Variants in ELAVL4 observed in about 807,000 individuals in gnomAD.
ELAVL4 encodes ELAV like RNA binding protein 4.
ELAVL4 carries 1 observed loss-of-function variant against 35.6 expected under a neutral mutation model. The observed-to-expected ratio is 0.03, with a 90% CI of 0.01 to 0.13. The LOEUF (loss-of-function observed/expected upper bound fraction) is 0.13, where lower values mean the gene tolerates loss of function less well. ELAVL4 is among the 10% of genes least tolerant of loss of function. ELAVL4 has a pLI of 1.00. For synonymous variants in ELAVL4, 156 were observed against 171.0 expected, an observed-to-expected ratio of 0.91 and a Z score of 0.69; for missense variants, 267 against 464.9, an observed-to-expected ratio of 0.57 and a Z score of 3.91.
At chr1:50,174,677 C>T (rs1359089282) in intron 2 of ELAVL4, 2 of 152,120 alleles carry the variant, frequency 1.3e-5, no homozygotes, top group Non-Finnish European at 2.9e-5. Context: ...GCTCCTTTCC[C>T]TCATTTGACC....
chr1:50,100,315 G>A (rs74734566), upstream of ELAVL4, among the ~76,000 whole-genome samples: 6,762 of 152,178 alleles, frequency 0.044, 462 homozygotes, highest in African/African-American at 0.14. Flanking sequence ...GCCCACAGTC[G>A]TCATATCATA....
chr1:50,097,280 T>C (rs984564070), intron 1 of ELAVL4, among the ~76,000 whole-genome samples: 9 of 152,118 alleles, frequency 5.9e-5, no homozygotes, highest in Admixed American at 5.9e-4. Flanking sequence ...AACATGCTAC[T>C]ACCCCGGCTC....
chr1:50,092,549 G>A (rs146202229), intron 1 of ELAVL4, among the ~76,000 whole-genome samples: 1,666 of 152,222 alleles, frequency 0.011, 25 homozygotes, highest in African/African-American at 0.038. Flanking sequence ...CTGACTTTAG[G>A]CAGTGGTTTG....
intron 1 of ELAVL4, among the ~76,000 whole-genome samples, chr1:50,138,126 G>A (rs1271612207): frequency 2.0e-5 from 3 of 152,184 alleles, no homozygotes; most frequent in Non-Finnish European, 4.4e-5. Flanking sequence ...ACAGTTCTCA[G>A]CCACCTTGGT....
At chr1:50,072,794 T>C (rs1572129970) in intron 1 of ELAVL4, among the ~76,000 whole-genome samples, 1 of 152,306 alleles carries the variant, frequency 6.6e-6, no homozygotes, top group Non-Finnish European at 1.5e-5. Context: ...GGTACTATTA[T>C]TGTCCTCATT....
intron 1 of ELAVL4, among the ~76,000 whole-genome samples, chr1:50,059,748 T>TA (rs1663863312): frequency 6.6e-6 from 1 of 151,722 alleles, no homozygotes; most frequent in East Asian, 1.9e-4. Flanking sequence ...CAAATTGTTT[T>TA]ATATAATGCA....
chr1:50,158,068 T>C (rs4417128), intron 2 of ELAVL4, among the ~76,000 whole-genome samples: 56,244 of 151,956 alleles, frequency 0.37, 10,978 homozygotes, highest in East Asian at 0.77. Context: ...CAGGCAAATT[T>C]TTAACTTCTC....
chr1:50,063,211 T>C (rs1421199593), intron 1 of ELAVL4, among the ~76,000 whole-genome samples: 2 of 152,214 alleles, frequency 1.3e-5, no homozygotes, highest in Non-Finnish European at 2.9e-5. Context: ...ATTTTTTCCA[T>C]ATGAAATAAT....
At chr1:50,066,267 G>A (rs996185525) in intron 1 of ELAVL4, among the ~76,000 whole-genome samples, 5 of 152,284 alleles carry the variant, frequency 3.3e-5, no homozygotes, top group African/African-American at 7.2e-5. Flanking sequence ...AGTTAAGGAT[G>A]TTTTAGCCTT....
At chr1:50,083,035 T>C (rs2148497830) in intron 1 of ELAVL4, among the ~76,000 whole-genome samples, 1 of 152,016 alleles carries the variant, frequency 6.6e-6, no homozygotes, top group Non-Finnish European at 1.5e-5. Flanking sequence ...GGCCAGGAAG[T>C]TTAGCTCTCC....
At chr1:50,109,743 A>T (rs913319193) in intron 1 of ELAVL4, 1 of 624,908 alleles carries the variant, frequency 1.6e-6, no homozygotes, top group Non-Finnish European at 2.8e-6. Context: ...TAAATGCTGC[A>T]TCTTGTATTT....
intron 2 of ELAVL4, among the ~76,000 whole-genome samples, chr1:50,160,999 A>G (rs1027300619): frequency 1.3e-5 from 2 of 152,190 alleles, no homozygotes; most frequent in African/African-American, 4.8e-5. Flanking sequence ...TTTTGCCCAA[A>G]GGCTAATTAC....
At chr1:50,058,491 G>T (rs1379262385) in intron 1 of ELAVL4, among the ~76,000 whole-genome samples, 1 of 151,868 alleles carries the variant, frequency 6.6e-6, no homozygotes, top group Non-Finnish European at 1.5e-5. Context: ...CACATGGAAA[G>T]GTTGTTATAA....
intron 1 of ELAVL4, among the ~76,000 whole-genome samples, chr1:50,061,303 AG>A (rs1663956439): frequency 6.6e-6 from 1 of 152,174 alleles, no homozygotes; most frequent in East Asian, 1.9e-4. Flanking sequence ...CCTTAAGGCA[AG>A]GCATGTACTC....
intron 1 of ELAVL4, among the ~76,000 whole-genome samples, chr1:50,048,755 G>A (rs1663204974): frequency 6.6e-6 from 1 of 152,168 alleles, no homozygotes; most frequent in South Asian, 2.1e-4. Context: ...TGTGGACCTG[G>A]GACTTGGGTA....
chr1:50,176,857 G>A (rs185275032), intron 2 of ELAVL4, among the ~76,000 whole-genome samples: 3 of 152,312 alleles, frequency 2.0e-5, no homozygotes, highest in African/African-American at 7.2e-5. Context: ...GTTTTAGCTT[G>A]CACAGCTCCT....
intron 1 of ELAVL4, among the ~76,000 whole-genome samples, chr1:50,143,815 A>G (rs1673227125): frequency 6.6e-6 from 1 of 152,084 alleles, no homozygotes; most frequent in South Asian, 2.1e-4. Context: ...TTTCTATGAT[A>G]ACAGAGAAGT....
chr1:50,079,608 T>C (rs1167535513), intron 1 of ELAVL4, among the ~76,000 whole-genome samples: 1 of 152,128 alleles, frequency 6.6e-6, no homozygotes, highest in Non-Finnish European at 1.5e-5. Flanking sequence ...CAGTTGAGGG[T>C]TGTCTAAACT....
chr1:50,126,353 G>A (rs1233708641), intron 1 of ELAVL4, among the ~76,000 whole-genome samples: 1 of 152,124 alleles, frequency 6.6e-6, no homozygotes, highest in Non-Finnish European at 1.5e-5. Flanking sequence ...GTGAAGAAAA[G>A]CACTTGGTTA....
Sources: allele counts gnomAD v4.1 joint callset (sites outside exome capture counted in the v4.1 genomes callset), GRCh38; gene constraint gnomAD v4.1.1; transcripts MANE v1.5; gene names NCBI Gene and HGNC (gene_info 2026-07-23, HGNC 2026-07-21).